Variants in STARD3NL observed in about 807,000 individuals in gnomAD.
STARD3NL encodes STARD3 N-terminal like.
In STARD3NL, 17 loss-of-function variants were observed where a neutral mutation model predicts 30.9. That is an observed-to-expected ratio of 0.55 (90% CI 0.38 to 0.82). The LOEUF is 0.82. STARD3NL is among the 40% of genes least tolerant of loss of function. The pLI, the probability that STARD3NL is intolerant of heterozygous loss-of-function variation, is 0.00. For missense variants in STARD3NL, 234 were observed against 277.6 expected (o/e 0.84, Z 1.12); for synonymous variants, 112 against 100.5 (o/e 1.11, Z -0.69).
intron 1 of STARD3NL, among the ~76,000 whole-genome samples, chr7:38,186,384 A>T (rs750527309): frequency 6.6e-6 from 1 of 152,220 alleles, no homozygotes; most frequent in Non-Finnish European, 1.5e-5. Context: ...GATAGTCAAC[A>T]ACTGAAAAAT....
chr7:38,190,478 A>G (rs955942345), intron 1 of STARD3NL, among the ~76,000 whole-genome samples: 8 of 152,190 alleles, frequency 5.3e-5, no homozygotes, highest in African/African-American at 1.7e-4. Flanking sequence ...TATACTGTGT[A>G]TAGATAAACA....
At chr7:38,178,589 C>G (rs1187844386) in intron 1 of STARD3NL, among the ~76,000 whole-genome samples, 169 bp downstream of exon 1, 1 of 152,204 alleles carries the variant, frequency 6.6e-6, no homozygotes, top group Non-Finnish European at 1.5e-5. Flanking sequence ...AGGGGCGAGG[C>G]AGGCTGTGCT....
intron 1 of STARD3NL, among the ~76,000 whole-genome samples, chr7:38,179,382 G>A (rs1784155216): frequency 6.6e-6 from 1 of 152,178 alleles, no homozygotes; most frequent in African/African-American, 2.4e-5. Flanking sequence ...ATATGTTGTC[G>A]TGTAGAAGTC....
chr7:38,191,997 A>G (rs1445573450), intron 1 of STARD3NL, among the ~76,000 whole-genome samples: 1 of 152,128 alleles, frequency 6.6e-6, no homozygotes, highest in Non-Finnish European at 1.5e-5. Context: ...AACAATATGA[A>G]TTCTTCCAAT....
chr7:38,225,232 C>T (rs935301140), intron 7 of STARD3NL, among the ~76,000 whole-genome samples: 1 of 152,160 alleles, frequency 6.6e-6, no homozygotes, highest in Non-Finnish European at 1.5e-5. Context: ...ATTCTTTACA[C>T]ATTCCAGATA....
chr7:38,181,798 G>A (rs948471668), intron 1 of STARD3NL, among the ~76,000 whole-genome samples: 31 of 152,160 alleles, frequency 2.0e-4, no homozygotes, highest in Middle Eastern at 3.4e-3. Flanking sequence ...ATCATGATTT[G>A]ACCACCATCT....
At chr7:38,196,146 A>G (rs888125145) in intron 1 of STARD3NL, among the ~76,000 whole-genome samples, 4 of 152,248 alleles carry the variant, frequency 2.6e-5, no homozygotes, top group African/African-American at 9.6e-5. Flanking sequence ...GAAACATGGA[A>G]TTAGAAAAAG....
At chr7:38,225,103 T>C (rs977484306) in intron 7 of STARD3NL, among the ~76,000 whole-genome samples, 2 of 152,202 alleles carry the variant, frequency 1.3e-5, no homozygotes, top group African/African-American at 4.8e-5. Flanking sequence ...GTAGTGATAC[T>C]GAGATATTTT....
rs184263699 is a variant in STARD3NL, at chr7:38,217,052, T to C, written c.409T>C (p.Leu137=). ...GACAACGGCAGTGACCAGTGCCTTT[T>C]TACTAGCAAAAGTGATCCTTTCGAA... ...ALTTAVTSAF[L]LAKVILSKLF... is the part of the protein sequence containing the mutation. The change falls in exon 5 of 9, where the codon TTA becomes CTA. Residue 137 remains leucine, a synonymous_variant. Coordinates refer to ENST00000009041, the MANE Select transcript of STARD3NL (RefSeq NM_032016.4). 2 of 1,614,148 alleles carry C rather than the reference T, an allele frequency of 1.2e-6. No individual in the cohort carries two copies.
Position 38,178,290 on chromosome 7 carries a change from G to T in STARD3NL, c.-189G>T, listed in dbSNP as rs1344804782. The T allele has an allele frequency of 6.6e-6, 1 of 152,264 alleles. No homozygotes were observed. The highest frequency in any genetic ancestry group is 1.5e-5 in the Non-Finnish European group (1 of 68,098). 9.4% of individuals were successfully genotyped at this position (152,264 alleles called of 1,614,324 possible). A position where few individuals can be genotyped will look rare whatever the true frequency, so the allele number is the denominator to read the frequency against. On this transcript the variant is annotated 5_prime_UTR_variant, in exon 1 of 9. Transcript: ENST00000009041. ...CCGGGGCTGCTGGGTGCGGGCGGTGGGCTGCGCGTTGTCCGCTGGACTGGG... is the reference window on the plus strand; with the variant it reads ...CCGGGGCTGCTGGGTGCGGGCGGTGTGCTGCGCGTTGTCCGCTGGACTGGG...
At chr7:38,205,154 G>T (rs1353385277) in intron 1 of STARD3NL, among the ~76,000 whole-genome samples, 6 of 152,176 alleles carry the variant, frequency 3.9e-5, no homozygotes. Context: ...GCATCATCCT[G>T]ATACCAAAGC....
intron 1 of STARD3NL, among the ~76,000 whole-genome samples, chr7:38,184,606 G>C (rs1784380402): frequency 6.8e-6 from 1 of 147,464 alleles, no homozygotes; most frequent in African/African-American, 2.5e-5. Context: ...CAAGGGGATG[G>C]TGCCAATATA....
At chr7:38,219,177 G>A (rs995191234) in intron 6 of STARD3NL, among the ~76,000 whole-genome samples, 1 of 152,084 alleles carries the variant, frequency 6.6e-6, no homozygotes, top group African/African-American at 2.4e-5. Context: ...CTCCCCAGTA[G>A]CTGGGACTAC....
Position 38,185,007 on chromosome 7 carries a change from C to T in STARD3NL, c.-59+6587C>T, listed in dbSNP as rs180898196. ...TTTGTTGTATTCTCTGCCTCTGTAA[C>T]GTGCTCTGAGTCTGTTCTTATTATT... On this transcript the variant is annotated intron_variant, in intron 1 of 8. Coordinates refer to ENST00000009041, the MANE Select transcript of STARD3NL (RefSeq NM_032016.4). Among the ~76,000 whole-genome samples the T allele has an allele frequency of 7.3e-4, 111 of 151,948 alleles. No homozygotes were observed. The Middle Eastern group carries it at 0.045, about 61-fold the overall frequency.
chr7:38,183,906 T>A (rs1037844008), intron 1 of STARD3NL, among the ~76,000 whole-genome samples: 1 of 152,206 alleles, frequency 6.6e-6, no homozygotes, highest in Non-Finnish European at 1.5e-5. Context: ...TCCAACCATA[T>A]GTGTAAGTTT....
intron 3 of STARD3NL, among the ~76,000 whole-genome samples, 170 bp downstream of exon 3, chr7:38,214,604 G>A (rs770889062): frequency 1.3e-5 from 2 of 151,912 alleles, no homozygotes; most frequent in Non-Finnish European, 2.9e-5. Flanking sequence ...TCTAAATAAG[G>A]AATTGTGTCA....
chr7:38,214,838 G>A (rs766952936), intron 3 of STARD3NL, among the ~76,000 whole-genome samples, 190 bp from the exon 4 acceptor site: 21 of 151,976 alleles, frequency 1.4e-4, no homozygotes, highest in Non-Finnish European at 2.2e-4. Flanking sequence ...GGAGATTAAT[G>A]TGAGACCTAA....
intron 1 of STARD3NL, among the ~76,000 whole-genome samples, chr7:38,184,300 G>A (rs575735892): frequency 2.5e-4 from 38 of 152,210 alleles, no homozygotes; most frequent in Middle Eastern, 3.4e-3. Flanking sequence ...GCAGGATGGC[G>A]AAACTTCCTG....
At chr7:38,193,443 C>T (rs975974562) in intron 1 of STARD3NL, among the ~76,000 whole-genome samples, 7 of 152,036 alleles carry the variant, frequency 4.6e-5, no homozygotes, top group African/African-American at 9.7e-5. Flanking sequence ...GGACTACAGG[C>T]GCCCACCACC....
Sources: allele counts gnomAD v4.1 joint callset (sites outside exome capture counted in the v4.1 genomes callset), GRCh38; gene constraint gnomAD v4.1.1; transcripts MANE v1.5; gene names NCBI Gene and HGNC (gene_info 2026-07-23, HGNC 2026-07-21).